TBC1D22B: variants seen among roughly 807,000 people sequenced by gnomAD.
TBC1D22B encodes chromosome 6 open reading frame 197.
TBC1D22B carries 32 observed loss-of-function variants against 69.1 expected under a neutral mutation model. That is an observed-to-expected ratio of 0.46 (90% CI 0.35 to 0.62). The LOEUF is 0.62. Ranked by LOEUF, TBC1D22B falls within the 20% of genes least tolerant of loss-of-function variation. TBC1D22B has a pLI of 0.00. For missense variants in TBC1D22B, 462 were observed against 630.9 expected, an observed-to-expected ratio of 0.73 and a Z score of 2.87; for synonymous variants, 206 against 229.8, an observed-to-expected ratio of 0.90 and a Z score of 0.94.
At chr6:37,261,759 G>A (rs1766105906) in intron 1 of TBC1D22B, among the ~76,000 whole-genome samples, 1 of 151,962 alleles carries the variant, frequency 6.6e-6, no homozygotes, top group African/African-American at 2.4e-5. Context: ...ATCTGGTTGG[G>A]TGTGGTGGCT....
intron 12 of TBC1D22B, among the ~76,000 whole-genome samples, chr6:37,325,892 C>G (rs371307763): frequency 6.6e-6 from 1 of 152,232 alleles, no homozygotes; most frequent in African/African-American, 2.4e-5. Flanking sequence ...AGACTAGGGT[C>G]GGGGCTAGAG....
chr6:37,308,833 G>A (rs1767814027), intron 8 of TBC1D22B, among the ~76,000 whole-genome samples: 1 of 152,030 alleles, frequency 6.6e-6, no homozygotes, highest in Admixed American at 6.6e-5. Context: ...GTGCTGGCTG[G>A]GCATGGAGGC....
intron 2 of TBC1D22B, among the ~76,000 whole-genome samples, chr6:37,271,849 C>CTTTTTTT (rs35838317): frequency 1.7e-5 from 2 of 120,902 alleles, no homozygotes; most frequent in Admixed American, 8.3e-5. Flanking sequence ...AAGGTGCATG[C>CTTTTTTT]TTTTTTTTTT....
Position 37,282,903 on chromosome 6 carries a change from G to A in TBC1D22B, c.623G>A (p.Trp208Ter). The A allele has an allele frequency of 6.2e-7, 1 of 1,614,020 alleles. No individual in the cohort carries two copies. Among genetic ancestry groups the A allele is most frequent in the Non-Finnish European group, 8.5e-7 (1 of 1,179,952 alleles). ...TDLDELRKCS[W>*]PGVPREVRPI... Reference sequence around the variant, plus strand: ...ACAGATGAACTGAGGAAGTGTAGCTGGCCAGGGGTTCCCAGGGAGGTTCGA... The same window carrying A: ...ACAGATGAACTGAGGAAGTGTAGCTAGCCAGGGGTTCCCAGGGAGGTTCGA... Residue 208 changes from tryptophan to a stop codon, truncating the protein, a stop_gained, in exon 5 of 13, where the codon TGG (tryptophan) becomes TAG (stop). Coordinates refer to ENST00000373491, the MANE Select transcript of TBC1D22B (RefSeq NM_017772.4). LOFTEE classifies it high-confidence loss of function.
chr6:37,300,630 G>A (rs76398645), intron 8 of TBC1D22B, among the ~76,000 whole-genome samples: 7,246 of 152,070 alleles, frequency 0.048, 226 homozygotes, highest in Non-Finnish European at 0.07. Flanking sequence ...CCAAAACACC[G>A]GGATTACAGG....
intron 8 of TBC1D22B, among the ~76,000 whole-genome samples, chr6:37,309,703 T>C (rs1767844956): frequency 6.6e-6 from 1 of 152,146 alleles, no homozygotes; most frequent in South Asian, 2.1e-4. Context: ...CCCAGAGCAG[T>C]TCTCAAAGGA....
intron 2 of TBC1D22B, among the ~76,000 whole-genome samples, chr6:37,276,704 G>T (rs555994556): frequency 6.6e-6 from 1 of 152,184 alleles, no homozygotes; most frequent in East Asian, 1.9e-4. Flanking sequence ...GCCGAGGAGG[G>T]CAGATCACCT....
intron 8 of TBC1D22B, among the ~76,000 whole-genome samples, chr6:37,310,397 G>A (rs548822667): frequency 1.3e-5 from 2 of 152,074 alleles, no homozygotes; most frequent in African/African-American, 2.4e-5. Flanking sequence ...GGCTGGGCAC[G>A]GTAGCTCACG....
At chr6:37,282,820 T>C (rs1384750251) in intron 4 of TBC1D22B, 62 bp from the exon 5 acceptor site, 3 of 1,502,712 alleles carry the variant, frequency 2.0e-6, no homozygotes, top group East Asian at 2.3e-5. Flanking sequence ...GCAGTGCTGG[T>C]TGCGGTTTGC....
At chr6:37,266,257 G>C (rs998789479) in intron 1 of TBC1D22B, among the ~76,000 whole-genome samples, 1 of 152,072 alleles carries the variant, frequency 6.6e-6, no homozygotes, top group Non-Finnish European at 1.5e-5. Flanking sequence ...CAGTCATCTG[G>C]TTCCTATTCC....
chr6:37,331,942 C>T lies in TBC1D22B; in HGVS notation c.*770C>T, dbSNP rs1343641911. 3 of 152,612 alleles carry T rather than the reference C, an allele frequency of 2.0e-5. No homozygotes were observed. Among genetic ancestry groups the T allele is most frequent in the African/African-American group, 4.8e-5 (2 of 41,430 alleles). 9.5% of individuals were successfully genotyped at this position (152,612 alleles called of 1,614,324 possible). A position where few individuals can be genotyped will look rare whatever the true frequency, so the allele number is the denominator to read the frequency against. ...ATTGGGGCAGGGGAGGCAGAAGGGG[C>T]TCTCCAGACCCCTTTTCCATGATGA... On this transcript the variant is annotated 3_prime_UTR_variant, in exon 13 of 13. Coordinates refer to ENST00000373491, the MANE Select transcript of TBC1D22B (RefSeq NM_017772.4).
At chr6:37,282,424 C>T (rs561868331) in intron 4 of TBC1D22B, 60 bp downstream of exon 4, 274 of 1,490,918 alleles carry the variant, frequency 1.8e-4, no homozygotes, top group Non-Finnish European at 2.4e-4. Flanking sequence ...TCTCAGAGAC[C>T]TGGAAGCTAC....
At chr6:37,280,581 A>G (rs750286566) in intron 3 of TBC1D22B, among the ~76,000 whole-genome samples, 11 of 152,204 alleles carry the variant, frequency 7.2e-5, no homozygotes, top group Non-Finnish European at 1.0e-4. Flanking sequence ...GAAGGTGTCT[A>G]CACACTGTGA....
rs1765855248 is a variant in TBC1D22B, at chr6:37,257,840, C to T, written c.-78C>T. On this transcript the variant is annotated 5_prime_UTR_variant, in exon 1 of 13. Transcript: ENST00000373491. ...CGGCGGGGAAGCGGCCTGGGTTGGC[C>T]CTCAGATTGCGGGGTCTGGGGGCAT... 6.5e-7 allele frequency: 1 copy of T among 1,527,530 alleles called. No individual in the cohort carries two copies. The highest frequency in any genetic ancestry group is 1.2e-5 in the South Asian group (1 of 83,904). The allele number at this position is 1,527,530 out of a possible 1,614,324, so 94.6% of individuals were successfully genotyped here.
intron 12 of TBC1D22B, among the ~76,000 whole-genome samples, chr6:37,317,664 T>A (rs866192109): frequency 2.6e-5 from 4 of 152,252 alleles, no homozygotes; most frequent in African/African-American, 4.8e-5. Flanking sequence ...AATATTTTTT[T>A]AAAAAGTAGA....
In TBC1D22B at chr6:37,269,645, CA is replaced by C. The variant is rs1333153816; in HGVS notation, c.113del (p.Asn38IlefsTer14). On this transcript the variant is annotated frameshift_variant, in exon 2 of 13. Transcript: ENST00000373491. LOFTEE classifies it high-confidence loss of function. ...QHPPLDPRLTKNFIKERSKVN... is the reference protein window; with the variant it reads ...QHPPLDPRLTXNFIKERSKVN... ...ATCCTCCTCTTGACCCACGGCTCAC[CA>C]AAAAGTAAGTCAAGACATTTTCGTT... The C allele has an allele frequency of 6.2e-7, 1 of 1,613,948 alleles. No homozygotes were observed. Among genetic ancestry groups the C allele is most frequent in the African/African-American group, 1.3e-5 (1 of 74,894 alleles).
chr6:37,297,707 AAATC>A (rs1405004641), intron 8 of TBC1D22B, among the ~76,000 whole-genome samples: 1 of 152,242 alleles, frequency 6.6e-6, no homozygotes, highest in Non-Finnish European at 1.5e-5. Context: ...GTTTATTAAA[AAATC>A]AAAACAACAT....
intron 12 of TBC1D22B, among the ~76,000 whole-genome samples, chr6:37,324,963 A>G (rs983108971): frequency 6.6e-6 from 1 of 152,250 alleles, no homozygotes; most frequent in Non-Finnish European, 1.5e-5. Context: ...TGAAACATCT[A>G]GAGCCCCATC....
chr6:37,312,889 C>T, intron 8 of TBC1D22B, 29 bp from the exon 9 acceptor site: 5 of 1,576,300 alleles, frequency 3.2e-6, no homozygotes, highest in Non-Finnish European at 4.4e-6. Context: ...GATAAGACCT[C>T]TGGACTTTCT....
Sources: gnomAD v4.1 joint callset for allele counts (sites outside exome capture counted in the v4.1 genomes callset) on GRCh38, gnomAD v4.1.1 for gene constraint, MANE v1.5 for transcripts, NCBI Gene and HGNC (gene_info 2026-07-23, HGNC 2026-07-21) for gene names.